The following TMEM248 variants were observed in gnomAD, a reference collection of about 807,000 sequenced individuals.
TMEM248 encodes UPF0458 protein C7orf42.
Under a neutral mutation model 30.3 loss-of-function variants are expected in TMEM248, and 9 were observed. The ratio of observed to expected loss-of-function variants is 0.30; its 90% CI spans 0.18 to 0.52. The LOEUF (loss-of-function observed/expected upper bound fraction) is 0.52. Among genes scored for constraint, TMEM248 ranks in the 20% least tolerant of loss-of-function variants. The probability of loss-of-function intolerance (pLI) is 0.97; values close to 1 mark genes in which losing one functional copy is unlikely to be tolerated. For synonymous variants in TMEM248, 184 were observed against 154.4 expected (o/e 1.19, Z -1.42); for missense variants, 338 against 403.3 (o/e 0.84, Z 1.39).
intron 1 of TMEM248, among the ~76,000 whole-genome samples, chr7:66,934,510 G>A (rs1015383059): frequency 6.6e-5 from 10 of 152,044 alleles, no homozygotes; most frequent in South Asian, 4.1e-4. Context: ...CCATTCTTTC[G>A]CTTTTTTAGT....
intron 1 of TMEM248, among the ~76,000 whole-genome samples, chr7:66,931,692 G>A (rs2080575301): frequency 6.6e-6 from 1 of 150,978 alleles, no homozygotes; most frequent in Non-Finnish European, 1.5e-5. Context: ...TGGCCAGGCT[G>A]GTTTCTAACT....
chr7:66,954,224 G>T (rs1422420953), intron 6 of TMEM248, among the ~76,000 whole-genome samples: 1 of 152,004 alleles, frequency 6.6e-6, no homozygotes, highest in Admixed American at 6.6e-5. Flanking sequence ...GATCACAGGC[G>T]TGAGCCACTG....
intron 1 of TMEM248, among the ~76,000 whole-genome samples, chr7:66,924,986 G>A (rs1459523914): frequency 6.6e-6 from 1 of 152,138 alleles, no homozygotes; most frequent in Non-Finnish European, 1.5e-5. Context: ...TGGGATTACA[G>A]GCGTGAGCCA....
intron 4 of TMEM248, among the ~76,000 whole-genome samples, chr7:66,950,572 A>G (rs1792234960): frequency 6.6e-6 from 1 of 152,114 alleles, no homozygotes; most frequent in African/African-American, 2.4e-5. Flanking sequence ...AGTCCCGGGT[A>G]TGTCTTTATC....
intron 6 of TMEM248, among the ~76,000 whole-genome samples, chr7:66,954,523 A>AGTAGCTG (rs1356177953): frequency 6.6e-6 from 1 of 151,464 alleles, no homozygotes; most frequent in Admixed American, 6.6e-5. Flanking sequence ...CAACCTCCTG[A>AGTAGCTG]GTAGCTGGGA....
intron 3 of TMEM248, among the ~76,000 whole-genome samples, chr7:66,946,315 C>T (rs1165696893): frequency 1.3e-5 from 2 of 151,762 alleles, no homozygotes; most frequent in African/African-American, 2.4e-5. Flanking sequence ...CAGTGGCTCA[C>T]GCCTGTAATC....
chr7:66,955,438 G>A (rs1792376344), intron 6 of TMEM248, 64 bp from the exon 7 acceptor site: 1 of 1,603,238 alleles, frequency 6.2e-7, no homozygotes, highest in East Asian at 2.2e-5. Flanking sequence ...CTGGTCTTTG[G>A]GTAGGGGCTG....
chr7:66,921,651 A>C (rs974962493), intron 1 of TMEM248, among the ~76,000 whole-genome samples, 190 bp downstream of exon 1: 72 of 152,230 alleles, frequency 4.7e-4, no homozygotes, highest in Middle Eastern at 6.8e-3. Context: ...TGGTCCCCCC[A>C]CACTGGGGTT....
At position 66,944,628 on chromosome 7, in the gene TMEM248, G is replaced by A. The variant is rs1253344730; in HGVS notation, c.160-348G>A. Reference sequence around the variant, plus strand: ...TTTGGATTAATGCTTTTCTTCAAGCGTTCTTTTCAAGTTTGGTTCTGAGGC... The same window carrying A: ...TTTGGATTAATGCTTTTCTTCAAGCATTCTTTTCAAGTTTGGTTCTGAGGC... On this transcript the variant is annotated intron_variant, in intron 2 of 6. Coordinates refer to ENST00000341567, the MANE Select transcript of TMEM248 (RefSeq NM_017994.5). Among the ~76,000 whole-genome samples, 3 of 152,280 alleles carry A rather than the reference G, an allele frequency of 2.0e-5. No homozygotes were observed. In the South Asian group the frequency reaches 6.2e-4, roughly 32 times the overall value.
intron 1 of TMEM248, among the ~76,000 whole-genome samples, chr7:66,933,250 G>A (rs573384204): frequency 5.7e-4 from 86 of 152,142 alleles, no homozygotes; most frequent in African/African-American, 2.0e-3. Flanking sequence ...GCTCACTGCC[G>A]CCTCAAACTC....
chr7:66,942,904 G>A (rs1352903017), intron 2 of TMEM248, among the ~76,000 whole-genome samples: 2 of 151,330 alleles, frequency 1.3e-5, no homozygotes, highest in African/African-American at 2.4e-5. Flanking sequence ...CTGGGAGTGC[G>A]TGGTTGCCGC....
chr7:66,946,537 G>T (rs1338025751), intron 3 of TMEM248, among the ~76,000 whole-genome samples: 2 of 150,394 alleles, frequency 1.3e-5, no homozygotes, highest in African/African-American at 4.9e-5. Flanking sequence ...CCAAGATCAT[G>T]CCACTGCACT....
chr7:66,945,874 A>G (rs959079806), intron 3 of TMEM248, among the ~76,000 whole-genome samples: 14 of 151,970 alleles, frequency 9.2e-5, no homozygotes, highest in African/African-American at 3.4e-4. Context: ...TCACAAGGTC[A>G]AGAGTTTGAG....
intron 1 of TMEM248, among the ~76,000 whole-genome samples, chr7:66,927,697 TC>T (rs1346555866): frequency 2.6e-5 from 4 of 151,652 alleles, no homozygotes; most frequent in African/African-American, 9.7e-5. Flanking sequence ...GCTCAAGTGA[TC>T]CTCTGACCTT....
At chr7:66,952,562 TG>T (rs982166740) in intron 5 of TMEM248, among the ~76,000 whole-genome samples, 2 of 152,094 alleles carry the variant, frequency 1.3e-5, no homozygotes, top group Non-Finnish European at 2.9e-5. Context: ...ATAAATGACC[TG>T]GGGGAGCCCA....
At chr7:66,941,437 C>T (rs1259188295) in intron 1 of TMEM248, among the ~76,000 whole-genome samples, 2 of 151,530 alleles carry the variant, frequency 1.3e-5, no homozygotes, top group Non-Finnish European at 2.9e-5. Context: ...CACCTTTAGT[C>T]CTGGCTACTC....
rs570068676 is a variant in TMEM248, at chr7:66,925,992, T to A, written c.-19+4531T>A. 5.3e-5 allele frequency among the ~76,000 whole-genome samples: 8 copies of A among 152,262 alleles called. No individual in the cohort carries two copies. In the South Asian group the frequency reaches 1.7e-3, roughly 32 times the overall value. ...GTGCTGTTTTCCATCTTGGCTGTAC[T>A]AATTTACATTCCCACAGTGCATGAC... On this transcript the variant is annotated intron_variant, in intron 1 of 6. Transcript: ENST00000341567.
intron 4 of TMEM248, among the ~76,000 whole-genome samples, chr7:66,949,369 C>T (rs1359821141): frequency 2.0e-5 from 3 of 152,040 alleles, no homozygotes; most frequent in Non-Finnish European, 4.4e-5. Flanking sequence ...TGTCTGTAAT[C>T]CCAGCTACTC....
At chr7:66,955,401 G>A (rs990410884) in intron 6 of TMEM248, 101 bp from the exon 7 acceptor site, 20 of 1,332,596 alleles carry the variant, frequency 1.5e-5, no homozygotes, top group Admixed American at 9.7e-5. Context: ...TCACTGTCTG[G>A]TTGATATGTG....
Sources: gnomAD v4.1 joint callset for allele counts (sites outside exome capture counted in the v4.1 genomes callset) on GRCh38, gnomAD v4.1.1 for gene constraint, MANE v1.5 for transcripts, NCBI Gene and HGNC (gene_info 2026-07-23, HGNC 2026-07-21) for gene names.